Variants in MATN3 observed in about 807,000 individuals in gnomAD.
The protein encoded by MATN3 is matrilin-3.
MATN3 carries 48 observed loss-of-function variants against 45.3 expected under a neutral mutation model. The ratio of observed to expected loss-of-function variants is 1.06; its 90% confidence interval spans 0.84 to 1.35. MATN3 has a LOEUF of 1.35. Among genes scored for constraint, MATN3 ranks in the 40% most tolerant of loss-of-function variants. The pLI is 0.00. For missense variants in MATN3, 599 were observed against 628.0 expected, an observed-to-expected ratio of 0.95 and a Z score of 0.49; for synonymous variants, 217 against 245.9, an observed-to-expected ratio of 0.88 and a Z score of 1.10.
At chr2:20,008,951 G>A (rs897546377) in intron 1 of MATN3, among the ~76,000 whole-genome samples, 2 of 152,062 alleles carry the variant, frequency 1.3e-5, no homozygotes, top group Non-Finnish European at 2.9e-5. Flanking sequence ...AAACCCAGGC[G>A]CAGTGGCTCA....
chr2:19,993,160 T>G lies in MATN3; in HGVS notation c.1412A>C (p.Asp471Ala), dbSNP rs138400723. 78 of 1,611,494 alleles carry G rather than the reference T, an allele frequency of 4.8e-5. No individual in the cohort carries two copies. In the African/African-American group the frequency reaches 9.3e-4, roughly 19 times the overall value. ...ATTTATTTTCAACTTCTCCAAAATG[T>G]CATCAAGTGGCAAGTTGTTAAGGCC... is the stretch of plus-strand genomic sequence containing the variant. ...YLQRLNTKLDDILEKLKINEY... is the reference protein window; with the variant it reads ...YLQRLNTKLDAILEKLKINEY... The change falls in exon 8 of 8, where the codon GAC (aspartate) becomes GCC (alanine). Residue 471 changes from aspartate (D) to alanine (A), a missense_variant. Transcript: ENST00000407540.
chr2:20,010,219 G>A (rs749192619), intron 1 of MATN3, among the ~76,000 whole-genome samples: 4 of 152,126 alleles, frequency 2.6e-5, no homozygotes, highest in Non-Finnish European at 4.4e-5. Flanking sequence ...AAAGGTGGGG[G>A]TAACATGAAG....
intron 1 of MATN3, among the ~76,000 whole-genome samples, chr2:20,006,557 T>C (rs1204223686): frequency 3.3e-5 from 5 of 152,218 alleles, no homozygotes; most frequent in Non-Finnish European, 7.4e-5. Context: ...GGCTGAATCC[T>C]GAAATTTCAC....
Position 20,002,161 on chromosome 2 carries a change from T to TACACACAC in MATN3, c.917-89_917-82dup, listed in dbSNP as rs35083474. 2,544 of 647,130 alleles carry TACACACAC rather than the reference T, an allele frequency of 3.9e-3. 25 individuals are homozygous for TACACACAC. The highest frequency in any genetic ancestry group is 0.025 in the African/African-American group (1,153 of 47,020). The allele number at this position is 647,130 out of a possible 1,614,324, so 40.1% of individuals were successfully genotyped here. A position where few individuals can be genotyped will look rare whatever the true frequency, so the allele number is the denominator to read the frequency against. ...TTGTGGGCCACGCCACTTACAGTTA[T>TACACACAC]ACACACACACACACACACACACACA... On this transcript the variant is annotated intron_variant, in intron 3 of 7. Coordinates refer to ENST00000407540, the MANE Select transcript of MATN3 (RefSeq NM_002381.5).
At position 20,006,071 on chromosome 2, in the gene MATN3, G is replaced by A; in HGVS notation, c.463C>T (p.Pro155Ser). The change falls in exon 2 of 8, where the codon CCC (proline) becomes TCC (serine). Residue 155 changes from proline to serine, a missense_variant. Transcript: ENST00000407540. ...SLKQAVGRIT[P>S]LSTGTMSGLA... ...CCTGACATGGTGCCTGTTGACAAGG[G>A]TGTGATTCGACCCACGGCCTGCTTC... The A allele has an allele frequency of 6.2e-7, 1 of 1,614,012 alleles. No homozygotes were observed. Among genetic ancestry groups the A allele is most frequent in the South Asian group, 1.1e-5 (1 of 91,086 alleles).
chr2:20,012,452 C>A lies in MATN3; in HGVS notation c.180G>T (p.Ala60=), dbSNP rs1286340022. 1.9e-5 allele frequency: 23 copies of A among 1,229,400 alleles called. No individual in the cohort carries two copies. The South Asian group carries it at 8.2e-4, about 44-fold the overall frequency. 76.2% of individuals were successfully genotyped at this position (1,229,400 alleles called of 1,614,324 possible). ...RRPSPAAPDG[A]PASGTSEPGR... ...CAGGCTCGCTGGTCCCGGAAGCGGGCGCGCCGTCGGGAGCCGCAGGAGAGG... is the reference window on the plus strand; with the variant it reads ...CAGGCTCGCTGGTCCCGGAAGCGGGAGCGCCGTCGGGAGCCGCAGGAGAGG... Residue 60 remains alanine, a synonymous_variant, in exon 1 of 8, where the codon GCG becomes GCT. Coordinates refer to ENST00000407540, the MANE Select transcript of MATN3 (RefSeq NM_002381.5). This position sits in a 1 kb window ranked among gnomAD's most constrained non-coding sequence, Gnocchi z 4.3.
intron 1 of MATN3, among the ~76,000 whole-genome samples, chr2:20,011,043 T>C (rs967499621): frequency 1.3e-5 from 2 of 152,210 alleles, no homozygotes; most frequent in Admixed American, 6.5e-5. Context: ...TACCACTGAG[T>C]CCTTACAGTC....
chr2:20,001,790 T>C (rs1672988545), intron 4 of MATN3, among the ~76,000 whole-genome samples, 165 bp downstream of exon 4: 1 of 152,164 alleles, frequency 6.6e-6, no homozygotes, highest in Non-Finnish European at 1.5e-5. Context: ...GATACATACA[T>C]GTTACCATTT....
intron 6 of MATN3, among the ~76,000 whole-genome samples, chr2:19,996,713 G>T (rs1558370317): frequency 6.6e-6 from 1 of 152,136 alleles, no homozygotes; most frequent in Non-Finnish European, 1.5e-5. Flanking sequence ...AGCGGGTGAT[G>T]GGCAGTTATT....
At chr2:20,003,320 C>A in intron 2 of MATN3, 34 bp from the exon 3 acceptor site, 1 of 1,561,506 alleles carries the variant, frequency 6.4e-7, no homozygotes, top group Non-Finnish European at 8.7e-7. Flanking sequence ...TCAGCACTGA[C>A]ACTTAGGAAA....
intron 4 of MATN3, among the ~76,000 whole-genome samples, chr2:20,001,551 T>C (rs1425271813): frequency 1.3e-5 from 2 of 152,250 alleles, no homozygotes; most frequent in African/African-American, 4.8e-5. Flanking sequence ...AGGTCATACA[T>C]GATGTCACTA....
At position 20,012,450 on chromosome 2, in the gene MATN3, G is replaced by C; in HGVS notation, c.182C>G (p.Pro61Arg). The C allele has an allele frequency of 8.1e-7, 1 of 1,229,548 alleles. No homozygotes were observed. Among genetic ancestry groups the C allele is most frequent in the Non-Finnish European group, 1.0e-6 (1 of 986,526 alleles). 76.2% of individuals were successfully genotyped at this position (1,229,548 alleles called of 1,614,324 possible). ...RPSPAAPDGAPASGTSEPGRA... is the reference protein window; with the variant it reads ...RPSPAAPDGARASGTSEPGRA... ...GCCAGGCTCGCTGGTCCCGGAAGCGGGCGCGCCGTCGGGAGCCGCAGGAGA... is the reference window on the plus strand; with the variant it reads ...GCCAGGCTCGCTGGTCCCGGAAGCGCGCGCGCCGTCGGGAGCCGCAGGAGA... Residue 61 changes from proline (P) to arginine (R), a missense_variant, in exon 1 of 8, where the codon CCC becomes CGC. Coordinates refer to ENST00000407540, the MANE Select transcript of MATN3 (RefSeq NM_002381.5). This position sits in a 1 kb window ranked among gnomAD's most constrained non-coding sequence, Gnocchi z 4.3.
At chr2:19,994,246 G>T in intron 7 of MATN3, 53 bp downstream of exon 7, 1 of 1,156,202 alleles carries the variant, frequency 8.6e-7, no homozygotes, top group Non-Finnish European at 1.3e-6. Context: ...TGGCTCGATC[G>T]TAGTACCTTG....
intron 4 of MATN3, among the ~76,000 whole-genome samples, chr2:20,000,815 A>G (rs935535507): frequency 6.6e-6 from 1 of 152,230 alleles, no homozygotes; most frequent in African/African-American, 2.4e-5. Flanking sequence ...TTATAACCTA[A>G]GTATCTCATA....
intron 7 of MATN3, among the ~76,000 whole-genome samples, chr2:19,993,578 A>G (rs1007316453): frequency 6.6e-6 from 1 of 152,184 alleles, no homozygotes; most frequent in African/African-American, 2.4e-5. Context: ...GTGTGAAGTT[A>G]GGAGAATGGT....
At position 20,011,785 on chromosome 2, in the gene MATN3, G is replaced by A. The variant is rs2103486764; in HGVS notation, c.223+624C>T. Among the ~76,000 whole-genome samples, 3 of 152,280 alleles carry A rather than the reference G, an allele frequency of 2.0e-5. 1 individual carries two copies. In the Middle Eastern group the frequency reaches 0.01, roughly 518 times the overall value. ...TCAGTTTCCCTTCATGTGCTGTCAG[G>A]GGCTGTGTCAGACGACCTGCCCGCT... On this transcript the variant is annotated intron_variant, in intron 1 of 7. Transcript: ENST00000407540.
chr2:19,993,117 A>G lies in MATN3; in HGVS notation c.1455T>C (p.His485=), dbSNP rs780273208. Residue 485 remains histidine (H), a synonymous_variant, in exon 8 of 8, where the codon CAT becomes CAC. Transcript: ENST00000407540. ...KLKINEYGQI[H]R is the part of the protein sequence containing the mutation. Reference sequence around the variant, plus strand: ...GGTGAGAAATTGGAGCAATTTAACGATGTATTTGTCCATATTCATTTATTT... The same window carrying G: ...GGTGAGAAATTGGAGCAATTTAACGGTGTATTTGTCCATATTCATTTATTT... 7.4e-6 allele frequency: 12 copies of G among 1,612,432 alleles called. No homozygotes were observed. The highest frequency in any genetic ancestry group is 1.0e-5 in the Non-Finnish European group (12 of 1,178,822).
chr2:19,993,052 A>C lies in MATN3; in HGVS notation c.*59T>G. On this transcript the variant is annotated 3_prime_UTR_variant, in exon 8 of 8. Coordinates refer to ENST00000407540, the MANE Select transcript of MATN3 (RefSeq NM_002381.5). ...TTGGCAATAACAGGTGTGCAAAAGA[A>C]TGCATGAGTATTAAGTACACCAAGC... 2 of 1,345,796 alleles carry C rather than the reference A, an allele frequency of 1.5e-6. No homozygotes were observed. Among genetic ancestry groups the C allele is most frequent in the South Asian group, 2.4e-5 (2 of 84,716 alleles). 83.4% of individuals were successfully genotyped at this position (1,345,796 alleles called of 1,614,324 possible).
rs1672962949 is a variant in MATN3, at chr2:20,000,476, C to A, written c.1133G>T (p.Gly378Val). The change falls in exon 5 of 8, where the codon GGC becomes GTC. Residue 378 changes from glycine (G) to valine (V), a missense_variant. Gly to Val is a moderately radical substitution (Grantham distance 109). Coordinates refer to ENST00000407540, the MANE Select transcript of MATN3 (RefSeq NM_002381.5). Reference sequence around the variant, plus strand: ...TTTTTTATCTGCATTCAGAGTGTAGCCCTCATAGCATTCACAATGATGGGA... The same window carrying A: ...TTTTTTATCTGCATTCAGAGTGTAGACCTCATAGCATTCACAATGATGGGA... ...TGSHHCECYEGYTLNADKKTC... is the reference protein window; with the variant it reads ...TGSHHCECYEVYTLNADKKTC... 6.2e-7 allele frequency: 1 copy of A among 1,611,998 alleles called. No homozygotes were observed. The highest frequency in any genetic ancestry group is 8.5e-7 in the Non-Finnish European group (1 of 1,179,022).
Sources: allele counts gnomAD v4.1 joint callset (sites outside exome capture counted in the v4.1 genomes callset), GRCh38; gene constraint gnomAD v4.1.1; non-coding constraint Gnocchi (gnomAD v3.1); transcripts MANE v1.5; gene names NCBI Gene and HGNC (gene_info 2026-07-23, HGNC 2026-07-21).